PROSER2: variants seen among roughly 807,000 people sequenced by gnomAD.
PROSER2 encodes the protein proline and serine-rich protein 2.
A neutral mutation model predicts 14.6 loss-of-function variants in PROSER2; 18 were observed. That is an observed-to-expected ratio of 1.23 (90% confidence interval 0.85 to 1.83). The LOEUF (loss-of-function observed/expected upper bound fraction) is 1.83. Ranked by LOEUF, PROSER2 falls within the 40% of genes most tolerant of loss-of-function variation. The probability of loss-of-function intolerance (pLI) is 0.00; values close to 1 mark genes in which losing one functional copy is unlikely to be tolerated. For missense variants in PROSER2, 823 were observed against 629.8 expected (o/e 1.31, Z -3.28); for synonymous variants, 367 against 286.4 (o/e 1.28, Z -2.84).
chr10:11,827,200 A>C (rs1018509227), intron 1 of PROSER2, among the ~76,000 whole-genome samples: 1 of 151,964 alleles, frequency 6.6e-6, no homozygotes, highest in Non-Finnish European at 1.5e-5. Flanking sequence ...TTTACAAAAA[A>C]AAAAAAAAAA....
rs1385476272 is a variant in PROSER2, at chr10:11,843,015, A to G, written c.-81-8982A>G. Among the ~76,000 whole-genome samples, 4 of 137,296 alleles carry G rather than the reference A, an allele frequency of 2.9e-5. No homozygotes were observed. In the East Asian group the frequency reaches 8.5e-4, roughly 29 times the overall value. 90.1% of individuals were successfully genotyped at this position (137,296 alleles called of 152,430 possible). On this transcript the variant is annotated intron_variant, in intron 1 of 3. Coordinates refer to ENST00000277570, the MANE Select transcript of PROSER2 (RefSeq NM_153256.4). ...GAGTGCTGTGGCACGATCTCGGCTC[A>G]CTGCAAGTTCCGCCTCCTGGGTTTA...
intron 2 of PROSER2, among the ~76,000 whole-genome samples, chr10:11,858,974 A>G (rs1196025465): frequency 7.3e-6 from 1 of 136,232 alleles, no homozygotes; most frequent in Non-Finnish European, 1.5e-5. Context: ...GTATGACTGC[A>G]CTCCAGCCTG....
chr10:11,832,206 A>G (rs1190479863), intron 1 of PROSER2, among the ~76,000 whole-genome samples: 1 of 152,218 alleles, frequency 6.6e-6, no homozygotes, highest in East Asian at 1.9e-4. Flanking sequence ...TTCAAACTCC[A>G]GAACAAAACT....
intron 2 of PROSER2, among the ~76,000 whole-genome samples, chr10:11,854,046 G>A (rs1165598301): frequency 6.6e-6 from 1 of 152,116 alleles, no homozygotes; most frequent in East Asian, 1.9e-4. Flanking sequence ...ATTAAGTTAC[G>A]TCTACATGGT....
intron 2 of PROSER2, among the ~76,000 whole-genome samples, chr10:11,864,168 G>T (rs1480454416): frequency 1.3e-5 from 2 of 152,134 alleles, no homozygotes; most frequent in Non-Finnish European, 2.9e-5. Context: ...TTCTTCCGTA[G>T]TTCTAATTAA....
At chr10:11,844,271 A>G (rs908856122) in intron 1 of PROSER2, among the ~76,000 whole-genome samples, 1 of 152,296 alleles carries the variant, frequency 6.6e-6, no homozygotes, top group East Asian at 1.9e-4. Context: ...GATTACAGGT[A>G]TGAGCCACTG....
At chr10:11,860,520 G>A (rs1166726789) in intron 2 of PROSER2, among the ~76,000 whole-genome samples, 1 of 151,962 alleles carries the variant, frequency 6.6e-6, no homozygotes, top group Non-Finnish European at 1.5e-5. Flanking sequence ...GGATCCTGAG[G>A]CAGAAAATTG....
chr10:11,853,767 C>G (rs147753609), intron 2 of PROSER2, among the ~76,000 whole-genome samples: 2 of 152,228 alleles, frequency 1.3e-5, no homozygotes, highest in Non-Finnish European at 2.9e-5. Context: ...TTTCTTTGAT[C>G]GCTAAAGGTG....
At chr10:11,843,579 G>A (rs1184570555) in intron 1 of PROSER2, among the ~76,000 whole-genome samples, 4 of 151,834 alleles carry the variant, frequency 2.6e-5, no homozygotes, top group East Asian at 3.9e-4. Flanking sequence ...CCAGCTACTC[G>A]AGAGGCTGAG....
At chr10:11,831,751 C>CT (rs1833691443) in intron 1 of PROSER2, 1 of 152,058 alleles carries the variant, frequency 6.6e-6, no homozygotes, top group South Asian at 2.1e-4. Flanking sequence ...GTTTTGGTAT[C>CT]TTTTTCAGTG....
In PROSER2 at chr10:11,843,009, C is replaced by T. The variant is rs191271593; in HGVS notation, c.-81-8988C>T. Among the ~76,000 whole-genome samples the T allele has an allele frequency of 7.3e-3, 996 of 136,082 alleles. 6 individuals are homozygous for T. Among genetic ancestry groups the T allele is most frequent in the Non-Finnish European group, 0.011 (748 of 65,170 alleles). The allele number at this position is 136,082 out of a possible 152,430, so 89.3% of individuals were successfully genotyped here. A position where few individuals can be genotyped will look rare whatever the true frequency, so the allele number is the denominator to read the frequency against. The stretch of plus-strand genomic sequence containing the variant: ...AGGCTGGAGTGCTGTGGCACGATCT[C>T]GGCTCACTGCAAGTTCCGCCTCCTG... On this transcript the variant is annotated intron_variant, in intron 1 of 3. Coordinates refer to ENST00000277570, the MANE Select transcript of PROSER2 (RefSeq NM_153256.4).
chr10:11,849,197 CA>C (rs199671785), intron 1 of PROSER2, among the ~76,000 whole-genome samples: 1,708 of 151,636 alleles, frequency 0.011, 35 homozygotes, highest in African/African-American at 0.04. Context: ...AAAAAAAAAA[CA>C]AAAAAACAAA....
At chr10:11,824,382 C>T (rs1246981818) in intron 1 of PROSER2, among the ~76,000 whole-genome samples, 1 of 152,120 alleles carries the variant, frequency 6.6e-6, no homozygotes, top group African/African-American at 2.4e-5. Flanking sequence ...ACCAGGCGTA[C>T]GTGGAAACTT....
chr10:11,857,670 G>A (rs188024654), intron 2 of PROSER2, among the ~76,000 whole-genome samples: 5 of 151,524 alleles, frequency 3.3e-5, no homozygotes, highest in Admixed American at 1.3e-4. Context: ...ACTTGAACCC[G>A]GGTGGCGGAG....
intron 1 of PROSER2, among the ~76,000 whole-genome samples, chr10:11,839,632 C>G (rs575355008): frequency 1.3e-5 from 2 of 152,164 alleles, no homozygotes; most frequent in East Asian, 3.9e-4. Context: ...CAAGACCAGC[C>G]TGGGCAACAT....
intron 2 of PROSER2, among the ~76,000 whole-genome samples, chr10:11,861,630 G>A (rs1834240295): frequency 6.6e-6 from 1 of 152,200 alleles, no homozygotes; most frequent in Non-Finnish European, 1.5e-5. Context: ...GGAGCAAGAA[G>A]CGACAAACCA....
At chr10:11,855,641 G>A (rs951538831) in intron 2 of PROSER2, among the ~76,000 whole-genome samples, 6 of 152,050 alleles carry the variant, frequency 3.9e-5, no homozygotes, top group African/African-American at 1.2e-4. Context: ...TTTAAAAAGC[G>A]TCCAGGTTTG....
At chr10:11,829,822 T>C (rs1381081127) in intron 1 of PROSER2, among the ~76,000 whole-genome samples, 1 of 150,890 alleles carries the variant, frequency 6.6e-6, no homozygotes, top group Non-Finnish European at 1.5e-5. Flanking sequence ...TTTCTTTTTT[T>C]TCTTTACTTC....
chr10:11,846,893 C>T (rs1056089524), intron 1 of PROSER2, among the ~76,000 whole-genome samples: 1 of 152,080 alleles, frequency 6.6e-6, no homozygotes, highest in Non-Finnish European at 1.5e-5. Flanking sequence ...CACGCACCAC[C>T]ACGCCTGGCT....
Sources: gnomAD v4.1 joint callset for allele counts (sites outside exome capture counted in the v4.1 genomes callset) on GRCh38, gnomAD v4.1.1 for gene constraint, MANE v1.5 for transcripts, NCBI Gene and HGNC (gene_info 2026-07-23, HGNC 2026-07-21) for gene names.